The following BTBD7 variants were observed in gnomAD, a reference collection of about 807,000 sequenced individuals.
The protein encoded by BTBD7 is BTB/POZ domain-containing protein 7.
BTBD7 carries 38 observed loss-of-function variants against 99.9 expected under a neutral mutation model. The observed-to-expected ratio is 0.38, with a 90% CI of 0.29 to 0.50. BTBD7 has a LOEUF of 0.50. Among genes scored for constraint, BTBD7 ranks in the 20% least tolerant of loss-of-function variants. BTBD7 has a pLI of 0.93. For synonymous variants in BTBD7, 520 were observed against 511.4 expected (o/e 1.02, Z -0.23); for missense variants, 1,170 against 1,394.6 (o/e 0.84, Z 2.57).
At chr14:93,263,660 G>A in intron 4 of BTBD7, 125 bp downstream of exon 4, 1 of 842,366 alleles carries the variant, frequency 1.2e-6, no homozygotes, top group South Asian at 1.7e-5. Context: ...GGGCAGTCCT[G>A]GGTGGTTTGA....
chr14:93,242,975 C>T lies in BTBD7; in HGVS notation c.2697G>A (p.Gln899=), dbSNP rs1363394577. 1.9e-6 allele frequency: 3 copies of T among 1,614,000 alleles called. No homozygotes were observed. The highest frequency in any genetic ancestry group is 2.2e-5 in the East Asian group (1 of 44,890). Reference sequence around the variant, plus strand: ...GCCCTGGTCCTGCTTCAGAAACTGACTGGCTTAATTCTGTGTCTACAGCAA... The same window carrying T: ...GCCCTGGTCCTGCTTCAGAAACTGATTGGCTTAATTCTGTGTCTACAGCAA... ...PELAVDTELS[Q]SVSEAGPGPP... The change falls in exon 11 of 11, where the codon CAG becomes CAA. Residue 899 remains glutamine, a synonymous_variant. Transcript: ENST00000334746.
At chr14:93,261,127 G>A (rs967255690) in intron 5 of BTBD7, among the ~76,000 whole-genome samples, 2 of 152,268 alleles carry the variant, frequency 1.3e-5, no homozygotes, top group South Asian at 4.1e-4. Flanking sequence ...CTGACCTCAG[G>A]TCAGCCTGTA....
chr14:93,244,590 A>C (rs1450426037), intron 10 of BTBD7, among the ~76,000 whole-genome samples: 4 of 152,186 alleles, frequency 2.6e-5, no homozygotes, highest in African/African-American at 4.8e-5. Flanking sequence ...CGGAGATTGC[A>C]GTGAGCCGAG....
chr14:93,306,008 T>C (rs1252932287), intron 1 of BTBD7, among the ~76,000 whole-genome samples: 1 of 152,220 alleles, frequency 6.6e-6, no homozygotes, highest in Non-Finnish European at 1.5e-5. Flanking sequence ...GGCCCTACGT[T>C]CAACTGACAT....
At chr14:93,244,325 C>G in intron 10 of BTBD7, 1 of 222,046 alleles carries the variant, frequency 4.5e-6, no homozygotes, top group Non-Finnish European at 9.2e-6. Context: ...CAGTTGTAAG[C>G]ATCATCTTTT....
At chr14:93,319,478 C>G (rs2053245552) in intron 1 of BTBD7, among the ~76,000 whole-genome samples, 1 of 152,136 alleles carries the variant, frequency 6.6e-6, no homozygotes, top group Non-Finnish European at 1.5e-5. Context: ...ATGGATGAAC[C>G]TTGAAGACAT....
intron 8 of BTBD7, among the ~76,000 whole-genome samples, chr14:93,250,914 G>C (rs1396403325): frequency 6.6e-6 from 1 of 152,166 alleles, no homozygotes; most frequent in Non-Finnish European, 1.5e-5. Flanking sequence ...GAAGGCCATA[G>C]ACTTTAAGGT....
intron 3 of BTBD7, among the ~76,000 whole-genome samples, chr14:93,264,570 C>A (rs1418348386): frequency 6.6e-6 from 1 of 152,090 alleles, no homozygotes. Context: ...CTGGAGAAAG[C>A]AACTATGGCA....
At chr14:93,299,947 G>A (rs1449834787) in intron 1 of BTBD7, among the ~76,000 whole-genome samples, 1 of 152,198 alleles carries the variant, frequency 6.6e-6, no homozygotes, top group Non-Finnish European at 1.5e-5. Flanking sequence ...AAGAAGCCCT[G>A]CTGCCCCCAC....
chr14:93,266,339 C>T (rs1384154259), intron 3 of BTBD7, among the ~76,000 whole-genome samples: 2 of 151,956 alleles, frequency 1.3e-5, no homozygotes, highest in Non-Finnish European at 1.5e-5. Context: ...TTAGCACTGA[C>T]CAAACTGCAA....
intron 3 of BTBD7, among the ~76,000 whole-genome samples, chr14:93,292,208 T>C (rs1019965763): frequency 6.6e-6 from 1 of 152,058 alleles, no homozygotes; most frequent in African/African-American, 2.4e-5. Flanking sequence ...CAAAAAAACA[T>C]ATATTAAAGA....
rs145886255 is a variant in BTBD7, at chr14:93,319,964, TAAAG to T, written c.-107+12852_-107+12855del. On this transcript the variant is annotated intron_variant, in intron 1 of 10. Transcript: ENST00000334746. Reference sequence around the variant, plus strand: ...CCATTGTCCAACTAGGTAGAACTGATAAAGAAAATAAAAATGGAACGGCCAGAGA... The same window carrying T: ...CCATTGTCCAACTAGGTAGAACTGATAAAATAAAAATGGAACGGCCAGAGA... Among the ~76,000 whole-genome samples, 678 of 151,900 alleles carry T rather than the reference TAAAG, an allele frequency of 4.5e-3. 1 individual carries two copies. Among genetic ancestry groups the T allele is most frequent in the African/African-American group, 0.015 (638 of 41,422 alleles).
chr14:93,257,014 A>G, intron 6 of BTBD7, 181 bp downstream of exon 6: 1 of 581,124 alleles, frequency 1.7e-6, no homozygotes, highest in Non-Finnish European at 2.9e-6. Context: ...TGAACATTTT[A>G]ACTGTATTAT....
chr14:93,318,716 C>G (rs1197426325), intron 1 of BTBD7, among the ~76,000 whole-genome samples: 1 of 152,176 alleles, frequency 6.6e-6, no homozygotes, highest in Non-Finnish European at 1.5e-5. Context: ...AGGTTTACAT[C>G]AAACTGAGAA....
In BTBD7 at chr14:93,246,775, G is replaced by T. The variant is rs181301759; in HGVS notation, c.2122-489C>A. ...CAATATTTTGGTAAACATTATAAAA[G>T]AATATGTCATGCAATTTAAGGTACC... On this transcript the variant is annotated intron_variant, in intron 9 of 10. Transcript: ENST00000334746. Among the ~76,000 whole-genome samples the T allele has an allele frequency of 2.0e-5, 3 of 152,330 alleles. No homozygotes were observed. The East Asian group carries it at 5.8e-4, about 29-fold the overall frequency.
intron 1 of BTBD7, among the ~76,000 whole-genome samples, chr14:93,298,353 T>C (rs77208198): frequency 6.6e-6 from 1 of 152,302 alleles, no homozygotes; most frequent in East Asian, 1.9e-4. Context: ...TCCAATACTT[T>C]TTGAGTGCTG....
chr14:93,298,198 T>TA (rs778793481), intron 1 of BTBD7, among the ~76,000 whole-genome samples: 2 of 152,346 alleles, frequency 1.3e-5, no homozygotes, highest in East Asian at 3.9e-4. Context: ...GACAAGAATT[T>TA]ACTACTCTTA....
rs552285845 is a variant in BTBD7, at chr14:93,279,624, T to C, written c.1162+14234A>G. On this transcript the variant is annotated intron_variant, in intron 3 of 10. Coordinates refer to ENST00000334746, the MANE Select transcript of BTBD7 (RefSeq NM_001002860.4). ...GTGCAGTGGCGTGATCCCAGCTCAC[T>C]GCAACCTCCGACTCCCGGGTTCAAG... Among the ~76,000 whole-genome samples the C allele has an allele frequency of 3.4e-4, 52 of 152,290 alleles. 1 individual carries two copies. The highest frequency in any genetic ancestry group is 1.2e-3 in the African/African-American group (49 of 41,570).
In BTBD7 at chr14:93,248,540, T is replaced by C. The variant is rs201243121; in HGVS notation, c.2057A>G (p.Tyr686Cys). The C allele has an allele frequency of 2.3e-5, 37 of 1,614,184 alleles. No homozygotes were observed. The highest frequency in any genetic ancestry group is 4.0e-5 in the African/African-American group (3 of 75,070). ...LNCGEGATVS[Y>C]EIQIRVLREF... is the part of the protein sequence containing the mutation. ...TCTTAGCACTCGAATCTGAATTTCA[T>C]AGCTGACAGTGGCGCCTTCCCCGCA... The change falls in exon 9 of 11, where the codon TAT becomes TGT. Residue 686 changes from tyrosine (Y) to cysteine (C), a missense_variant. Around this residue, in one of 4 missense-constraint regions of BTBD7, gnomAD observed 7 missense variants for 28.9 expected, o/e 0.24. Transcript: ENST00000334746.
Sources: gnomAD v4.1 joint callset for allele counts (sites outside exome capture counted in the v4.1 genomes callset) on GRCh38, gnomAD v4.1.1 for gene constraint, gnomAD v4.1.1 regional missense constraint, MANE v1.5 for transcripts, NCBI Gene and HGNC (gene_info 2026-07-23, HGNC 2026-07-21) for gene names.